Variants in ARHGAP24 observed in about 807,000 individuals in gnomAD.
ARHGAP24 encodes rho GTPase-activating protein 24.
ARHGAP24 carries 50 observed loss-of-function variants against 76.4 expected under a neutral mutation model. The ratio of observed to expected loss-of-function variants is 0.65; its 90% CI spans 0.52 to 0.83. The LOEUF is 0.83. ARHGAP24 is among the 40% of genes least tolerant of loss of function. The pLI is 0.00. For missense variants in ARHGAP24, 930 were observed against 914.2 expected (o/e 1.02, Z -0.22); for synonymous variants, 345 against 323.3 (o/e 1.07, Z -0.72).
At chr4:85,529,551 AT>A (rs1725169062) in intron 1 of ARHGAP24, among the ~76,000 whole-genome samples, 1 of 152,024 alleles carries the variant, frequency 6.6e-6, no homozygotes, top group South Asian at 2.1e-4. Context: ...CATTGCTGAT[AT>A]TTTTGGCAGA....
chr4:85,548,330 T>C (rs1725997144), intron 1 of ARHGAP24, among the ~76,000 whole-genome samples: 2 of 152,204 alleles, frequency 1.3e-5, no homozygotes, highest in Admixed American at 1.3e-4. Context: ...TCGTTGCTAC[T>C]GATATGTTAA....
In ARHGAP24 at chr4:85,923,708, A is replaced by G; in HGVS notation, c.329A>G (p.Gln110Arg). The G allele has an allele frequency of 3.1e-6, 5 of 1,614,028 alleles. No individual in the cohort carries two copies. Among genetic ancestry groups the G allele is most frequent in the Non-Finnish European group, 4.2e-6 (5 of 1,179,960 alleles). ...AGCTACCTCCTCATGGCAAGCACCC[A>G]GAATGATATGGAAGACTGGGTGAAG... is the stretch of plus-strand genomic sequence containing the variant. ...HESYLLMAST[Q>R]NDMEDWVKSI... The change falls in exon 4 of 10, where the codon CAG (glutamine) becomes CGG (arginine). Residue 110 changes from glutamine (Q) to arginine (R), a missense_variant. Coordinates refer to ENST00000395184, the MANE Select transcript of ARHGAP24 (RefSeq NM_001025616.3).
rs79824086 is a variant in ARHGAP24 at position 85,794,098 on chromosome 4, A to G, written c.268+72126A>G. Among the ~76,000 whole-genome samples, 22 of 152,318 alleles carry G rather than the reference A, an allele frequency of 1.4e-4. No homozygotes were observed. In the East Asian group the frequency reaches 4.0e-3, roughly 28 times the overall value. ...ATATATCATAGAGAGGGATAAAACT[A>G]TATATTCTGGAACTCTGAGGGACAA... On this transcript the variant is annotated intron_variant, in intron 3 of 9. Coordinates refer to ENST00000395184, the MANE Select transcript of ARHGAP24 (RefSeq NM_001025616.3).
intron 3 of ARHGAP24, among the ~76,000 whole-genome samples, chr4:85,883,799 T>C (rs1378665298): frequency 6.6e-6 from 1 of 152,208 alleles, no homozygotes; most frequent in Non-Finnish European, 1.5e-5. Context: ...ACAAACTTTA[T>C]TTTTTCTTTC....
In ARHGAP24 at chr4:85,522,299, C is replaced by A. The variant is rs933731828; in HGVS notation, c.-21+46740C>A. Among the ~76,000 whole-genome samples, 3 of 152,252 alleles carry A rather than the reference C, an allele frequency of 2.0e-5. No homozygotes were observed. The Middle Eastern group carries it at 0.01, about 518-fold the overall frequency. On this transcript the variant is annotated intron_variant, in intron 1 of 9. Transcript: ENST00000395184. ...AATAAACAAATTCCACAAATTTAGT[C>A]CAGCCCAACCACATATCCCAGAGTT... is the stretch of plus-strand genomic sequence containing the variant.
intron 3 of ARHGAP24, among the ~76,000 whole-genome samples, chr4:85,875,598 A>G (rs1426578919): frequency 9.1e-6 from 1 of 110,134 alleles, no homozygotes; most frequent in Non-Finnish European, 1.7e-5. Flanking sequence ...TTTATATTAT[A>G]TTTTTATATT....
At chr4:85,917,172 T>A (rs1735455941) in intron 3 of ARHGAP24, among the ~76,000 whole-genome samples, 1 of 152,166 alleles carries the variant, frequency 6.6e-6, no homozygotes, top group African/African-American at 2.4e-5. Flanking sequence ...GTTTGGTTTT[T>A]TGTCCTTGCA....
chr4:85,477,944 T>C (rs2110085592), intron 1 of ARHGAP24, among the ~76,000 whole-genome samples: 1 of 152,352 alleles, frequency 6.6e-6, no homozygotes, highest in East Asian at 1.9e-4. Flanking sequence ...GAAGGGTTCT[T>C]TTCTCATGAA....
rs1727001622 is a variant in ARHGAP24, at chr4:85,768,257, A to C, written c.268+46285A>C. Among the ~76,000 whole-genome samples, 3 of 152,236 alleles carry C rather than the reference A, an allele frequency of 2.0e-5. No individual in the cohort carries two copies. The South Asian group carries it at 6.2e-4, about 31-fold the overall frequency. On this transcript the variant is annotated intron_variant, in intron 3 of 9. Transcript: ENST00000395184. ...TCAAAATCTAAAGATTGGATTTAAA[A>C]AAATGTGAAAATCTAAAGTCGTCCA...
chr4:85,947,181 T>C (rs1192053570), intron 5 of ARHGAP24, among the ~76,000 whole-genome samples: 1 of 152,196 alleles, frequency 6.6e-6, no homozygotes, highest in African/African-American at 2.4e-5. Flanking sequence ...ATTGTTTATT[T>C]GGTTTTTTGC....
chr4:85,529,599 G>A lies in ARHGAP24; in HGVS notation c.-20-40923G>A, dbSNP rs61658381. ...TGTTGGAACCAAACTGTTGGGTATT[G>A]TAGGATGTCAAGCATCATCCTTAGC... On this transcript the variant is annotated intron_variant, in intron 1 of 9. Transcript: ENST00000395184. 5.9e-5 allele frequency among the ~76,000 whole-genome samples: 9 copies of A among 151,948 alleles called. No individual in the cohort carries two copies. The East Asian group carries it at 1.7e-3, about 29-fold the overall frequency.
At chr4:85,912,269 G>C (rs1258303701) in intron 3 of ARHGAP24, among the ~76,000 whole-genome samples, 1 of 152,104 alleles carries the variant, frequency 6.6e-6, no homozygotes, top group Non-Finnish European at 1.5e-5. Context: ...CTATGAAGCA[G>C]CGTGCCTTTA....
intron 2 of ARHGAP24, among the ~76,000 whole-genome samples, chr4:85,659,675 G>T (rs1054046530): frequency 3.9e-5 from 6 of 151,956 alleles, no homozygotes; most frequent in Non-Finnish European, 8.8e-5. Context: ...TACACATAAG[G>T]GTTGTAATTA....
chr4:85,699,789 G>A (rs1209053506), intron 2 of ARHGAP24, among the ~76,000 whole-genome samples: 3 of 151,620 alleles, frequency 2.0e-5, no homozygotes, highest in African/African-American at 4.9e-5. Flanking sequence ...ATTGTTTATT[G>A]TCTGTCTCCC....
At chr4:85,810,779 T>C (rs994681270) in intron 3 of ARHGAP24, among the ~76,000 whole-genome samples, 3 of 152,176 alleles carry the variant, frequency 2.0e-5, no homozygotes, top group Non-Finnish European at 4.4e-5. Flanking sequence ...CTTCTTTTTG[T>C]TTGTAGAGAT....
chr4:85,581,740 G>GC (rs1553915992), intron 2 of ARHGAP24, among the ~76,000 whole-genome samples: 2 of 151,826 alleles, frequency 1.3e-5, no homozygotes, highest in Non-Finnish European at 2.9e-5. Context: ...ACTTTTCCTA[G>GC]TTTTTTTTAA....
intron 3 of ARHGAP24, among the ~76,000 whole-genome samples, chr4:85,865,164 T>C (rs1448213778): frequency 6.6e-6 from 1 of 152,120 alleles, no homozygotes; most frequent in East Asian, 1.9e-4. Flanking sequence ...TGGATGTGTT[T>C]CAGAAAAATA....
At chr4:85,680,967 A>C (rs1234421807) in intron 2 of ARHGAP24, among the ~76,000 whole-genome samples, 1 of 151,980 alleles carries the variant, frequency 6.6e-6, no homozygotes, top group Non-Finnish European at 1.5e-5. Context: ...ATTTATAGAG[A>C]GAATTCTTAG....
intron 3 of ARHGAP24, among the ~76,000 whole-genome samples, chr4:85,815,894 G>T (rs778354425): frequency 6.6e-6 from 1 of 152,178 alleles, no homozygotes; most frequent in Non-Finnish European, 1.5e-5. Flanking sequence ...ATGGCTTCAC[G>T]TGGCTGGGGA....
Sources: allele counts gnomAD v4.1 joint callset (sites outside exome capture counted in the v4.1 genomes callset), GRCh38; gene constraint gnomAD v4.1.1; transcripts MANE v1.5; gene names NCBI Gene and HGNC (gene_info 2026-07-23, HGNC 2026-07-21).